CDC42BPB: variants seen among roughly 807,000 people sequenced by gnomAD.
CDC42BPB encodes the protein CDC42 binding protein kinase beta.
CDC42BPB carries 37 observed loss-of-function variants against 214.9 expected under a neutral mutation model. The observed-to-expected ratio is 0.17, with a 90% CI of 0.13 to 0.23. The LOEUF (loss-of-function observed/expected upper bound fraction) is 0.23, where lower values mean the gene tolerates loss of function less well. Ranked by LOEUF, CDC42BPB falls within the 10% of genes least tolerant of loss-of-function variation. CDC42BPB has a pLI of 1.00. For missense variants in CDC42BPB, 1,694 were observed against 2,227.0 expected (o/e 0.76, Z 4.82); for synonymous variants, 931 against 884.0 (o/e 1.05, Z -0.94).
At chr14:102,980,081 T>C (rs183921111) in intron 8 of CDC42BPB, among the ~76,000 whole-genome samples, 37 of 152,344 alleles carry the variant, frequency 2.4e-4, no homozygotes, top group African/African-American at 8.2e-4. Flanking sequence ...GCCGCCACAC[T>C]GCCTATGGGA....
At chr14:102,986,637 C>T in intron 5 of CDC42BPB, 57 bp from the exon 6 acceptor site, 1 of 1,592,636 alleles carries the variant, frequency 6.3e-7, no homozygotes, top group East Asian at 2.2e-5. Flanking sequence ...TTAGGTAGAT[C>T]AAAGCCCTTA....
chr14:102,948,799 G>A (rs956943227), intron 26 of CDC42BPB, among the ~76,000 whole-genome samples: 4 of 151,946 alleles, frequency 2.6e-5, no homozygotes, highest in Admixed American at 6.5e-5. Flanking sequence ...TGAGCCCTCC[G>A]ATGGGGCCCC....
intron 20 of CDC42BPB, among the ~76,000 whole-genome samples, chr14:102,962,667 T>A (rs1893013822): frequency 1.3e-5 from 2 of 152,172 alleles, no homozygotes; most frequent in South Asian, 4.1e-4. Context: ...CTGGCCAACG[T>A]GGCAAAACCC....
intron 5 of CDC42BPB, among the ~76,000 whole-genome samples, chr14:102,997,675 C>T (rs542282789): frequency 6.6e-6 from 1 of 152,300 alleles, no homozygotes; most frequent in East Asian, 1.9e-4. Flanking sequence ...TTAGTGACAG[C>T]TACAAAGAAA....
In CDC42BPB at chr14:102,980,689, T is replaced by C. The variant is rs1893957827; in HGVS notation, c.1140+84A>G. 4.5e-6 allele frequency: 6 copies of C among 1,336,902 alleles called. No homozygotes were observed. In the East Asian group the frequency reaches 9.2e-5, roughly 21 times the overall value. The allele number at this position is 1,336,902 out of a possible 1,614,324, so 82.8% of individuals were successfully genotyped here. On this transcript the variant is annotated intron_variant, in intron 8 of 36. Transcript: ENST00000361246. ...CAAATTTCACAGCTTTATGGTGTAC[T>C]GACTTGATAAGCAACGCCCTCAACA...
At chr14:102,976,570 C>T (rs1429798282) in intron 9 of CDC42BPB, among the ~76,000 whole-genome samples, 1 of 152,268 alleles carries the variant, frequency 6.6e-6, no homozygotes, top group Non-Finnish European at 1.5e-5. Flanking sequence ...ACAGCCGAGG[C>T]ACAGGCTGAA....
intron 1 of CDC42BPB, among the ~76,000 whole-genome samples, chr14:103,037,326 T>C (rs1439498035): frequency 2.0e-5 from 3 of 152,082 alleles, no homozygotes; most frequent in Non-Finnish European, 4.4e-5. Context: ...AGCGTCTCAC[T>C]GTGTCACCCA....
chr14:102,993,488 A>C (rs1283268234), intron 5 of CDC42BPB, among the ~76,000 whole-genome samples: 1 of 146,986 alleles, frequency 6.8e-6, no homozygotes, highest in Non-Finnish European at 1.5e-5. Flanking sequence ...ATGAAAAAAG[A>C]GTGAAAGGCA....
intron 13 of CDC42BPB, 116 bp downstream of exon 13, chr14:102,971,803 T>C (rs1893484141): frequency 9.8e-7 from 1 of 1,021,532 alleles, no homozygotes; most frequent in African/African-American, 1.6e-5. Context: ...CTTACTTGGC[T>C]CCACAGAAAA....
chr14:103,007,299 G>A (rs1307732641), intron 3 of CDC42BPB, among the ~76,000 whole-genome samples: 1 of 152,266 alleles, frequency 6.6e-6, no homozygotes. Flanking sequence ...GGTGCAGAGC[G>A]GGGGAGGGAA....
intron 5 of CDC42BPB, among the ~76,000 whole-genome samples, chr14:102,987,510 G>A (rs2139544407): frequency 6.6e-6 from 1 of 152,224 alleles, no homozygotes; most frequent in African/African-American, 2.4e-5. Context: ...GCCTCCAAGA[G>A]AATGGGTGAG....
At chr14:102,934,046 C>G (rs1269489424) in intron 36 of CDC42BPB, 1 of 1,339,876 alleles carries the variant, frequency 7.5e-7, no homozygotes, top group African/African-American at 1.5e-5. Context: ...GATGTCTAAT[C>G]CCACTCAAAA....
At chr14:102,997,857 A>G (rs1894811426) in intron 5 of CDC42BPB, among the ~76,000 whole-genome samples, 1 of 152,256 alleles carries the variant, frequency 6.6e-6, no homozygotes, top group Non-Finnish European at 1.5e-5. Context: ...AATCAGGATG[A>G]CGTGGAGCCG....
intron 26 of CDC42BPB, chr14:102,948,038 C>T (rs1892266482): frequency 8.9e-6 from 8 of 898,988 alleles, no homozygotes; most frequent in Non-Finnish European, 1.1e-5. Context: ...GCCTCATCCC[C>T]ACTGTGCTGG....
Position 102,950,520 on chromosome 14 carries a change from A to T in CDC42BPB, c.3255T>A (p.Pro1085=), listed in dbSNP as rs141975925. 54 of 1,613,122 alleles carry T rather than the reference A, an allele frequency of 3.3e-5. No homozygotes were observed. The African/African-American group carries it at 4.9e-4, about 15-fold the overall frequency. Residue 1085 remains proline, a synonymous_variant, in exon 25 of 37, where the codon CCT becomes CCA. Coordinates refer to ENST00000361246, the MANE Select transcript of CDC42BPB (RefSeq NM_006035.4). ...TGCCTCGCTGCACGTCCACGCCCAG[A>T]GGCCTCTTGGACTGCTCGGGAGGTA... The part of the protein sequence containing the change: ...CPIPPEQSKR[P]LGVDVQRGIG...
intron 19 of CDC42BPB, among the ~76,000 whole-genome samples, chr14:102,963,950 GTTCA>G (rs1303699351): frequency 6.6e-6 from 1 of 152,148 alleles, no homozygotes; most frequent in Non-Finnish European, 1.5e-5. Context: ...TGAAACTGAC[GTTCA>G]TTATCGTATC....
chr14:102,952,691 T>C, intron 23 of CDC42BPB, 88 bp from the exon 24 acceptor site: 2 of 1,526,764 alleles, frequency 1.3e-6, no homozygotes, highest in Non-Finnish European at 1.8e-6. Context: ...TATACACAGC[T>C]TGGGCATTAT....
At chr14:103,024,510 G>C (rs913070477) in intron 1 of CDC42BPB, among the ~76,000 whole-genome samples, 4 of 152,204 alleles carry the variant, frequency 2.6e-5, no homozygotes, top group African/African-American at 7.2e-5. Flanking sequence ...GTTCAAAGGA[G>C]AGCAACTTAA....
intron 4 of CDC42BPB, among the ~76,000 whole-genome samples, chr14:103,000,080 T>C (rs1186611310): frequency 6.6e-6 from 1 of 152,160 alleles, no homozygotes. Flanking sequence ...CAGGCCCTCA[T>C]GTTATGTGAG....
Sources: gnomAD v4.1 joint callset for allele counts (sites outside exome capture counted in the v4.1 genomes callset) on GRCh38, gnomAD v4.1.1 for gene constraint, MANE v1.5 for transcripts, NCBI Gene and HGNC (gene_info 2026-07-23, HGNC 2026-07-21) for gene names.